The following PAPOLA variants were observed in gnomAD, a reference collection of about 807,000 sequenced individuals.
PAPOLA encodes poly(A) polymerase alpha, also known as polynucleotide adenylyltransferase alpha.
In PAPOLA, 15 loss-of-function variants were observed where a neutral mutation model predicts 100.6. The observed-to-expected ratio is 0.15, with a 90% CI of 0.10 to 0.23. The LOEUF is 0.23. Among genes scored for constraint, PAPOLA ranks in the 10% least tolerant of loss-of-function variants. The pLI is 1.00. For synonymous variants in PAPOLA, 293 were observed against 300.0 expected (o/e 0.98, Z 0.24); for missense variants, 533 against 884.2 (o/e 0.60, Z 5.04).
intron 1 of PAPOLA, among the ~76,000 whole-genome samples, chr14:96,511,813 G>A (rs1897126482): frequency 6.6e-6 from 1 of 152,178 alleles, no homozygotes; most frequent in South Asian, 2.1e-4. Flanking sequence ...AAATTGAGTT[G>A]ATGTTTAATA....
chr14:96,521,144 C>G, intron 3 of PAPOLA, 72 bp downstream of exon 3: 1 of 766,082 alleles, frequency 1.3e-6, no homozygotes, highest in Non-Finnish European at 2.3e-6. Context: ...TCTTATATAA[C>G]CTGTTCTTAT....
intron 7 of PAPOLA, 100 bp downstream of exon 7, chr14:96,531,686 T>C (rs1899031248): frequency 6.5e-7 from 1 of 1,533,166 alleles, no homozygotes; most frequent in Non-Finnish European, 8.8e-7. Flanking sequence ...GCTATATTGT[T>C]AACACAGTAG....
chr14:96,555,334 G>C (rs1164118288), intron 17 of PAPOLA, among the ~76,000 whole-genome samples: 1 of 149,496 alleles, frequency 6.7e-6, no homozygotes, highest in Non-Finnish European at 1.5e-5. Context: ...TCACCTCCCA[G>C]AGTGCTAGGG....
intron 1 of PAPOLA, among the ~76,000 whole-genome samples, chr14:96,505,593 C>CA (rs747766771): frequency 8.6e-5 from 13 of 151,808 alleles, no homozygotes; most frequent in Admixed American, 2.6e-4. Flanking sequence ...GGGGGCTGCA[C>CA]AAAAAAGAGG....
At chr14:96,560,798 G>T in intron 20 of PAPOLA, 87 bp downstream of exon 20, 2 of 909,656 alleles carry the variant, frequency 2.2e-6, no homozygotes, top group Non-Finnish European at 1.7e-6. Context: ...GTATTTTTGT[G>T]CTATAGGTTT....
chr14:96,525,879 T>C (rs1898426207), intron 4 of PAPOLA: 1 of 152,448 alleles, frequency 6.6e-6, no homozygotes, highest in Non-Finnish European at 1.5e-5. Context: ...GTAGTTTTTC[T>C]GTTGGAGAGC....
At position 96,516,024 on chromosome 14, in the gene PAPOLA, A is replaced by G. The variant is rs528405083; in HGVS notation, c.9-4031A>G. Among the ~76,000 whole-genome samples the G allele has an allele frequency of 9.8e-5, 15 of 152,324 alleles. No homozygotes were observed. In the South Asian group the frequency reaches 3.1e-3, roughly 32 times the overall value. On this transcript the variant is annotated intron_variant, in intron 1 of 21. Coordinates refer to ENST00000216277, the MANE Select transcript of PAPOLA (RefSeq NM_032632.5). ...GGAGGTTTATGTTCCAAATTGCCCA[A>G]TATTGGAGTATATAGTTTTGTTAGA...
intron 12 of PAPOLA, among the ~76,000 whole-genome samples, chr14:96,540,959 G>A (rs1428547424): frequency 6.6e-6 from 1 of 152,128 alleles, no homozygotes; most frequent in Non-Finnish European, 1.5e-5. Flanking sequence ...CGATGATCTC[G>A]GCTCACTGCA....
At chr14:96,522,869 C>CA (rs1251524323) in intron 3 of PAPOLA, among the ~76,000 whole-genome samples, 3 of 152,094 alleles carry the variant, frequency 2.0e-5, no homozygotes, top group Admixed American at 1.3e-4. Flanking sequence ...CAGGGTAGTA[C>CA]AAAATCCGTG....
In PAPOLA at chr14:96,566,695, C is replaced by G. The variant is rs1389646890; in HGVS notation, c.*1645C>G. On this transcript the variant is annotated 3_prime_UTR_variant, in exon 22 of 22. Coordinates refer to ENST00000216277, the MANE Select transcript of PAPOLA (RefSeq NM_032632.5). ...CCACATCTTTGCTTTACACAGTCAC[C>G]TTGCCCTTCCTTCCACCACCGAAGA... is the stretch of plus-strand genomic sequence containing the variant. The G allele has an allele frequency of 6.6e-6, 1 of 152,378 alleles. No individual in the cohort carries two copies. Among genetic ancestry groups the G allele is most frequent in the Non-Finnish European group, 1.5e-5 (1 of 67,950 alleles). The allele number at this position is 152,378 out of a possible 1,614,324, so 9.4% of individuals were successfully genotyped here.
chr14:96,529,352 G>GT (rs1417542872), intron 6 of PAPOLA, among the ~76,000 whole-genome samples: 1 of 151,636 alleles, frequency 6.6e-6, no homozygotes, highest in Non-Finnish European at 1.5e-5. Flanking sequence ...ACTTATTTGT[G>GT]TAACAGTACA....
Position 96,561,276 on chromosome 14 carries a change from T to C in PAPOLA, c.2067+565T>C, listed in dbSNP as rs113162969. 4.2e-3 allele frequency among the ~76,000 whole-genome samples: 645 copies of C among 152,272 alleles called. 9 individuals carry two copies. The highest frequency in any genetic ancestry group is 0.014 in the African/African-American group (595 of 41,546). On this transcript the variant is annotated intron_variant, in intron 20 of 21. Transcript: ENST00000216277. ...CAAAATGTAAAAGACTCATTTTTTT[T>C]CCCTAGAAATTGAAATCTATTGAAG...
chr14:96,505,201 C>T (rs1299400516), intron 1 of PAPOLA, among the ~76,000 whole-genome samples: 1 of 152,120 alleles, frequency 6.6e-6, no homozygotes, highest in East Asian at 1.9e-4. Context: ...AGGTGCCTGT[C>T]CTGTGTATTG....
intron 3 of PAPOLA, among the ~76,000 whole-genome samples, chr14:96,521,758 C>T (rs1034221767): frequency 1.4e-4 from 22 of 151,766 alleles, no homozygotes; most frequent in African/African-American, 5.1e-4. Flanking sequence ...GTGTTCCAGG[C>T]GTGAGCCGCT....
intron 19 of PAPOLA, among the ~76,000 whole-genome samples, chr14:96,559,117 G>A (rs572512078): frequency 1.6e-4 from 24 of 151,832 alleles, no homozygotes; most frequent in African/African-American, 5.6e-4. Flanking sequence ...AGAAGATAAG[G>A]GGTATTAGGT....
At chr14:96,538,018 T>G (rs1254768514) in intron 12 of PAPOLA, 1 of 152,040 alleles carries the variant, frequency 6.6e-6, no homozygotes, top group African/African-American at 2.4e-5. Flanking sequence ...GCATAATCAT[T>G]AAATACTCTT....
At position 96,565,790 on chromosome 14, in the gene PAPOLA, C is replaced by T. The variant is rs1902224560; in HGVS notation, c.*740C>T. The T allele has an allele frequency of 5.0e-6, 2 of 398,136 alleles. No individual in the cohort carries two copies. The highest frequency in any genetic ancestry group is 8.9e-6 in the Non-Finnish European group (2 of 225,752). 24.7% of individuals were successfully genotyped at this position (398,136 alleles called of 1,614,324 possible). ...ATATTTTTCTTTGAGCTTGTGAAAG[C>T]TCTGTGTTCTTTTGCCTTCAATCTG... On this transcript the variant is annotated 3_prime_UTR_variant, in exon 22 of 22. Transcript: ENST00000216277.
At chr14:96,561,539 T>C (rs1901841052) in intron 20 of PAPOLA, among the ~76,000 whole-genome samples, 1 of 152,212 alleles carries the variant, frequency 6.6e-6, no homozygotes, top group East Asian at 1.9e-4. Flanking sequence ...GCTATGATTA[T>C]TTTTATCCAA....
chr14:96,540,141 C>T (rs900419169), intron 12 of PAPOLA, among the ~76,000 whole-genome samples: 13 of 152,084 alleles, frequency 8.5e-5, no homozygotes, highest in Non-Finnish European at 1.8e-4. Flanking sequence ...CCAGCAAAAC[C>T]GTGTCCAAAT....
Sources: gnomAD v4.1 joint callset for allele counts (sites outside exome capture counted in the v4.1 genomes callset) on GRCh38, gnomAD v4.1.1 for gene constraint, MANE v1.5 for transcripts, NCBI Gene and HGNC (gene_info 2026-07-23, HGNC 2026-07-21) for gene names.